KAT6B: variants seen among roughly 807,000 people sequenced by gnomAD.
KAT6B encodes lysine acetyltransferase 6B, also known as histone acetyltransferase KAT6B.
KAT6B carries 10 observed loss-of-function variants against 187.5 expected under a neutral mutation model. The observed-to-expected ratio is 0.05, with a 90% CI of 0.03 to 0.09. The LOEUF is 0.09. Ranked by LOEUF, KAT6B falls within the 10% of genes least tolerant of loss-of-function variation. KAT6B has a pLI of 1.00. For synonymous variants in KAT6B, 861 were observed against 926.8 expected (o/e 0.93, Z 1.29); for missense variants, 1,952 against 2,558.9 (o/e 0.76, Z 5.12).
Position 75,029,097 on chromosome 10 carries a change from G to C in KAT6B, c.4273G>C (p.Asp1425His). The C allele has an allele frequency of 6.2e-7, 1 of 1,614,216 alleles. No homozygotes were observed. The highest frequency in any genetic ancestry group is 8.5e-7 in the Non-Finnish European group (1 of 1,180,026). The change falls in exon 18 of 18, where the codon GAT (aspartate) becomes CAT (histidine). Residue 1425 changes from aspartate to histidine, a missense_variant. Coordinates refer to ENST00000287239, the MANE Select transcript of KAT6B (RefSeq NM_012330.4). This position sits in a 1 kb window ranked among gnomAD's most constrained non-coding sequence, Gnocchi z 6.2. ...DEEPSHNEDH[D>H]ADDEDDSHME... ...AGAGCCATCCCACAACGAGGACCAT[G>C]ATGCCGATGACGAGGATGACAGCCA...
intron 3 of KAT6B, among the ~76,000 whole-genome samples, chr10:74,956,981 G>T (rs956761278): frequency 1.3e-5 from 2 of 152,092 alleles, no homozygotes; most frequent in African/African-American, 4.8e-5. Flanking sequence ...GGAGATTTTT[G>T]GTATCATTTT....
upstream of KAT6B, chr10:74,825,688 C>T (rs1328668211): frequency 1.3e-5 from 2 of 153,516 alleles, no homozygotes; most frequent in South Asian, 4.0e-4. The surrounding 1 kb of genome is among the most constrained non-coding windows in gnomAD (Gnocchi z 5.0). Flanking sequence ...AGCCGGGGAC[C>T]CGGGTGGCCG....
At chr10:74,979,375 T>C in intron 10 of KAT6B, 36 bp downstream of exon 10, 1 of 1,338,682 alleles carries the variant, frequency 7.5e-7, no homozygotes, top group Non-Finnish European at 1.1e-6. Flanking sequence ...ATAACTTGAA[T>C]GTCACATATG....
At chr10:74,999,703 G>A (rs1350563580) in intron 13 of KAT6B, among the ~76,000 whole-genome samples, 2 of 152,148 alleles carry the variant, frequency 1.3e-5, no homozygotes, top group African/African-American at 4.8e-5. Flanking sequence ...TAGTCCTCAC[G>A]GAGACCCTAT....
intron 12 of KAT6B, among the ~76,000 whole-genome samples, chr10:74,987,352 G>A (rs1400471744): frequency 3.3e-5 from 5 of 151,990 alleles, no homozygotes; most frequent in African/African-American, 1.2e-4. Context: ...AGAATCCCTT[G>A]AACCCAGGAG....
Position 74,954,236 on chromosome 10 carries a change from G to A in KAT6B, c.622-5734G>A, listed in dbSNP as rs144738377. Among the ~76,000 whole-genome samples, 455 of 152,264 alleles carry A rather than the reference G, an allele frequency of 3.0e-3. 6 individuals are homozygous for A. The highest frequency in any genetic ancestry group is 0.01 in the African/African-American group (432 of 41,536). ...AAGAATAATCCATTCCACAAATACT[G>A]TATGATTTCACTTATATGCGATAGC... is the stretch of plus-strand genomic sequence containing the variant. On this transcript the variant is annotated intron_variant, in intron 3 of 17. Transcript: ENST00000287239.
At chr10:74,971,197 G>T (rs951711781) in intron 6 of KAT6B, among the ~76,000 whole-genome samples, 6 of 151,918 alleles carry the variant, frequency 3.9e-5, no homozygotes, top group African/African-American at 1.4e-4. Context: ...AGTCCCTTAG[G>T]GTGGATATTA....
chr10:74,955,871 A>G (rs1194021208), intron 3 of KAT6B, among the ~76,000 whole-genome samples: 1 of 152,092 alleles, frequency 6.6e-6, no homozygotes, highest in Non-Finnish European at 1.5e-5. Context: ...ATCACAGATT[A>G]TATTTATATT....
At chr10:74,900,590 G>A (rs377621307) in intron 3 of KAT6B, among the ~76,000 whole-genome samples, 37 of 152,256 alleles carry the variant, frequency 2.4e-4, no homozygotes, top group African/African-American at 8.9e-4. Context: ...CTGTCACCCA[G>A]GTCATGAGGA....
At chr10:74,972,768 T>TTTCC in intron 7 of KAT6B, 129 bp downstream of exon 7, 2 of 898,752 alleles carry the variant, frequency 2.2e-6, no homozygotes, top group Non-Finnish European at 1.8e-6. Context: ...GAAAAATACT[T>TTTCC]TTCCTTTTGC....
chr10:74,871,300 C>G (rs1843940060), intron 3 of KAT6B, among the ~76,000 whole-genome samples: 3 of 145,676 alleles, frequency 2.1e-5, no homozygotes, highest in Admixed American at 7.3e-5. Flanking sequence ...CCAAGTGATT[C>G]TCCTGCCTCA....
intron 3 of KAT6B, among the ~76,000 whole-genome samples, chr10:74,901,985 T>C (rs769309746): frequency 2.6e-5 from 4 of 152,166 alleles, no homozygotes; most frequent in Non-Finnish European, 5.9e-5. Context: ...GCATACTCAC[T>C]CTGGCTCTCC....
At chr10:74,960,189 T>C (rs1262810400) in intron 4 of KAT6B, 111 bp downstream of exon 4, 2 of 785,636 alleles carry the variant, frequency 2.5e-6, no homozygotes, top group Non-Finnish European at 4.5e-6. Flanking sequence ...TATATGGTAA[T>C]AGCATAGGCT....
At chr10:74,901,632 G>A (rs1024691757) in intron 3 of KAT6B, among the ~76,000 whole-genome samples, 1 of 152,116 alleles carries the variant, frequency 6.6e-6, no homozygotes, top group Non-Finnish European at 1.5e-5. Context: ...TCAAACAGTT[G>A]TAATTTAATA....
chr10:74,991,600 G>A (rs1843126294), intron 13 of KAT6B, among the ~76,000 whole-genome samples: 2 of 152,350 alleles, frequency 1.3e-5, no homozygotes, highest in South Asian at 2.1e-4. Flanking sequence ...CAGGATGTGA[G>A]CAGGCAAAGT....
chr10:74,904,987 G>A (rs1298355347), intron 3 of KAT6B, among the ~76,000 whole-genome samples: 1 of 152,164 alleles, frequency 6.6e-6, no homozygotes. Flanking sequence ...CTTACTAGAT[G>A]TAGAAACTGG....
chr10:74,850,147 C>T (rs565387959), intron 3 of KAT6B, among the ~76,000 whole-genome samples: 75 of 152,128 alleles, frequency 4.9e-4, no homozygotes, highest in Admixed American at 1.4e-3. Context: ...ACCGTGTTAG[C>T]CAGGATGGTC....
chr10:74,950,555 G>A (rs1840247170), intron 3 of KAT6B, among the ~76,000 whole-genome samples: 1 of 152,224 alleles, frequency 6.6e-6, no homozygotes, highest in African/African-American at 2.4e-5. Flanking sequence ...AATCCTGAGT[G>A]TGCATGATCT....
At chr10:74,880,295 T>C (rs1844751928) in intron 3 of KAT6B, among the ~76,000 whole-genome samples, 1 of 152,240 alleles carries the variant, frequency 6.6e-6, no homozygotes, top group Admixed American at 6.5e-5. Context: ...TTGCGTATTT[T>C]AGACATGTCA....
Sources: allele counts gnomAD v4.1 joint callset (sites outside exome capture counted in the v4.1 genomes callset), GRCh38; gene constraint gnomAD v4.1.1; non-coding constraint Gnocchi (gnomAD v3.1); transcripts MANE v1.5; gene names NCBI Gene and HGNC (gene_info 2026-07-23, HGNC 2026-07-21).